SEC23A: variants seen among roughly 807,000 people sequenced by gnomAD.
The protein encoded by SEC23A is SEC23 homolog A, COPII component.
A neutral mutation model predicts 103.7 loss-of-function variants in SEC23A; 56 were observed. That is an observed-to-expected ratio of 0.54 (90% CI 0.44 to 0.67). The LOEUF is 0.67. Among genes scored for constraint, SEC23A ranks in the 30% least tolerant of loss-of-function variants. The pLI, the probability that SEC23A is intolerant of heterozygous loss-of-function variation, is 0.00. For synonymous variants in SEC23A, 281 were observed against 293.0 expected (o/e 0.96, Z 0.42); for missense variants, 784 against 936.4 (o/e 0.84, Z 2.12).
In SEC23A at chr14:39,040,903, T is replaced by A. The variant is rs1885615419; in HGVS notation, c.1987-16A>T. ...GTGCTATGGTCTAATTTTAAAACAA[T>A]TAAAGAAATTACTTTAAATTTCTTG... On this transcript the variant is annotated splice_polypyrimidine_tract_variant and intron_variant, in intron 17 of 19. Coordinates refer to ENST00000307712, the MANE Select transcript of SEC23A (RefSeq NM_006364.4). 1 of 1,598,822 alleles carries A rather than the reference T, an allele frequency of 6.3e-7. No homozygotes were observed. Among genetic ancestry groups the A allele is most frequent in the Non-Finnish European group, 8.5e-7 (1 of 1,172,658 alleles).
At chr14:39,049,226 C>T (rs573388169) in intron 14 of SEC23A, among the ~76,000 whole-genome samples, 1 of 151,894 alleles carries the variant, frequency 6.6e-6, no homozygotes, top group African/African-American at 2.4e-5. Flanking sequence ...ACCTGTAATC[C>T]CAGCACTTTG....
intron 5 of SEC23A, chr14:39,091,210 T>A (rs926260485): frequency 4.1e-6 from 2 of 488,562 alleles, no homozygotes; most frequent in African/African-American, 3.9e-5. Context: ...TGACTCTTCA[T>A]AAGCCCTTCA....
intron 14 of SEC23A, among the ~76,000 whole-genome samples, chr14:39,052,623 C>T (rs975354409): frequency 6.6e-6 from 1 of 152,156 alleles, no homozygotes; most frequent in Non-Finnish European, 1.5e-5. Context: ...CAAATCACAG[C>T]CATTTGACAA....
At chr14:39,097,459 AGCT>A (rs1289842976) in intron 1 of SEC23A, among the ~76,000 whole-genome samples, 1 of 152,230 alleles carries the variant, frequency 6.6e-6, no homozygotes, top group African/African-American at 2.4e-5. Flanking sequence ...TGGGACAAGA[AGCT>A]GATTCTAAAA....
rs1215039552 is a variant in SEC23A, at chr14:39,094,391, CACACACATATATATATATAT to C, written c.222-1167_222-1148del. ...ATATATATACACACACACACACACA[CACACACATATATATATATAT>C]ATATATATATATATATATATATATA... On this transcript the variant is annotated intron_variant, in intron 2 of 19. Coordinates refer to ENST00000307712, the MANE Select transcript of SEC23A (RefSeq NM_006364.4). Among the ~76,000 whole-genome samples the C allele has an allele frequency of 3.2e-3, 128 of 39,456 alleles. 14 individuals are homozygous for C. Among genetic ancestry groups the C allele is most frequent in the African/African-American group, 7.4e-3 (83 of 11,238 alleles). 25.9% of individuals were successfully genotyped at this position (39,456 alleles called of 152,430 possible).
chr14:39,081,017 C>A (rs1369290413), intron 7 of SEC23A, among the ~76,000 whole-genome samples: 1 of 151,968 alleles, frequency 6.6e-6, no homozygotes, highest in African/African-American at 2.4e-5. Context: ...CCTGTCTGGG[C>A]AACATGGCAA....
rs550958799 is a variant in SEC23A at position 39,041,826 on chromosome 14, G to A, written c.1987-939C>T. 7.5e-4 allele frequency among the ~76,000 whole-genome samples: 107 copies of A among 143,176 alleles called. 1 individual carries two copies. Among genetic ancestry groups the A allele is most frequent in the African/African-American group, 2.4e-3 (94 of 38,894 alleles). 93.9% of individuals were successfully genotyped at this position (143,176 alleles called of 152,430 possible). A position where few individuals can be genotyped will look rare whatever the true frequency, so the allele number is the denominator to read the frequency against. ...AGAGGCTGCAGTGAGCCAAGATAGC[G>A]CCACTGCACTCCAGCCTGGGTGAAA... On this transcript the variant is annotated intron_variant, in intron 17 of 19. Transcript: ENST00000307712.
chr14:39,095,013 G>C, intron 2 of SEC23A: 1 of 700,172 alleles, frequency 1.4e-6, no homozygotes, highest in Non-Finnish European at 2.6e-6. Flanking sequence ...GTAGAGAACA[G>C]ACTGCTGAAA....
chr14:39,086,166 C>G (rs1887437663), intron 6 of SEC23A, among the ~76,000 whole-genome samples: 2 of 152,142 alleles, frequency 1.3e-5, no homozygotes, highest in South Asian at 4.2e-4. Context: ...CTAGGTGACA[C>G]GTGATGATAA....
chr14:39,083,514 A>ATCAGGACC (rs1386739842), intron 7 of SEC23A, among the ~76,000 whole-genome samples: 1 of 150,782 alleles, frequency 6.6e-6, no homozygotes, highest in Non-Finnish European at 1.5e-5. Context: ...GACGCATGTC[A>ATCAGGACC]TCAGGACCTC....
At chr14:39,094,253 T>TAC (rs1159484142) in intron 2 of SEC23A, among the ~76,000 whole-genome samples, 2 of 76,710 alleles carry the variant, frequency 2.6e-5, no homozygotes, top group South Asian at 3.8e-4. Context: ...TATACACATA[T>TAC]ACATATATAT....
At chr14:39,098,011 C>T (rs1566518002) in intron 1 of SEC23A, among the ~76,000 whole-genome samples, 1 of 151,800 alleles carries the variant, frequency 6.6e-6, no homozygotes, top group African/African-American at 2.4e-5. Flanking sequence ...ATCGCTTGAA[C>T]TGGGGGGGCA....
intron 9 of SEC23A, among the ~76,000 whole-genome samples, chr14:39,070,462 C>T (rs910442160): frequency 3.9e-5 from 6 of 152,090 alleles, no homozygotes; most frequent in Admixed American, 2.6e-4. Context: ...ATGCAAAAAT[C>T]CTCAACAAAA....
chr14:39,086,029 T>C, intron 6 of SEC23A, 123 bp from the exon 7 acceptor site: 2 of 872,630 alleles, frequency 2.3e-6, no homozygotes, highest in East Asian at 2.5e-5. Flanking sequence ...CCAATGGTTC[T>C]CAAACTTTCG....
intron 2 of SEC23A, among the ~76,000 whole-genome samples, chr14:39,095,603 G>T (rs1887858071): frequency 1.3e-5 from 2 of 152,028 alleles, no homozygotes; most frequent in African/African-American, 4.8e-5. Flanking sequence ...GGCCAATTAT[G>T]ACTTATCTAA....
intron 1 of SEC23A, among the ~76,000 whole-genome samples, chr14:39,101,618 G>C (rs1401838008): frequency 1.4e-5 from 2 of 140,682 alleles, no homozygotes; most frequent in Non-Finnish European, 3.1e-5. Context: ...GCGAGACTCC[G>C]TCTCAAAAAA....
intron 7 of SEC23A, among the ~76,000 whole-genome samples, chr14:39,083,106 T>C (rs1237545198): frequency 6.6e-6 from 1 of 152,174 alleles, no homozygotes; most frequent in Non-Finnish European, 1.5e-5. Flanking sequence ...TCATAGGAAA[T>C]ACAAAGTTTC....
In SEC23A at chr14:39,085,759, T is replaced by C. The variant is rs1264407524; in HGVS notation, c.828+3A>G. The C allele has an allele frequency of 1.9e-6, 3 of 1,599,988 alleles. No homozygotes were observed. Among genetic ancestry groups the C allele is most frequent in the Non-Finnish European group, 2.6e-6 (3 of 1,172,948 alleles). On this transcript the variant is annotated splice_donor_region_variant and intron_variant, in intron 7 of 19. Transcript: ENST00000307712. ...CATTCCAAAACAAAACCATCTTCCC[T>C]ACCTCCAGCAGTCCTACAGCTATGG...
chr14:39,099,251 C>T (rs1230900140), intron 1 of SEC23A, among the ~76,000 whole-genome samples: 2 of 150,426 alleles, frequency 1.3e-5, no homozygotes, highest in East Asian at 3.9e-4. Flanking sequence ...CTCTGCCTCC[C>T]GGGTTCAAGC....
Sources: allele counts gnomAD v4.1 joint callset (sites outside exome capture counted in the v4.1 genomes callset), GRCh38; gene constraint gnomAD v4.1.1; transcripts MANE v1.5; gene names NCBI Gene and HGNC (gene_info 2026-07-23, HGNC 2026-07-21).